CPQ: variants seen among roughly 807,000 people sequenced by gnomAD.
CPQ encodes the protein Ser-Met dipeptidase.
CPQ carries 37 observed loss-of-function variants against 45.7 expected under a neutral mutation model. The ratio of observed to expected loss-of-function variants is 0.81; its 90% CI spans 0.62 to 1.07. CPQ has a LOEUF of 1.07. CPQ is among the 50% of genes least tolerant of loss of function. The probability of loss-of-function intolerance (pLI) is 0.00; values close to 1 mark genes in which losing one functional copy is unlikely to be tolerated. For missense variants in CPQ, 537 were observed against 572.9 expected (o/e 0.94, Z 0.64); for synonymous variants, 186 against 205.8 (o/e 0.90, Z 0.82).
chr8:96,664,650 G>C (rs961927347), intron 1 of CPQ, among the ~76,000 whole-genome samples: 10 of 152,208 alleles, frequency 6.6e-5, no homozygotes, highest in Admixed American at 4.6e-4. Flanking sequence ...AATTACCTTT[G>C]AGGAATAAGA....
intron 6 of CPQ, among the ~76,000 whole-genome samples, chr8:97,063,198 T>A (rs1391959193): frequency 6.6e-6 from 1 of 152,192 alleles, no homozygotes; most frequent in African/African-American, 2.4e-5. Context: ...GGTATCTCAT[T>A]GTGGTTTTGA....
intron 1 of CPQ, among the ~76,000 whole-genome samples, chr8:96,729,751 G>A (rs1304119503): frequency 6.6e-6 from 1 of 152,004 alleles, no homozygotes; most frequent in Non-Finnish European, 1.5e-5. Context: ...ATGTCCTGTA[G>A]TACTGCAAAT....
chr8:96,849,792 T>G (rs1199204578), intron 3 of CPQ, among the ~76,000 whole-genome samples: 1 of 152,164 alleles, frequency 6.6e-6, no homozygotes, highest in African/African-American at 2.4e-5. Flanking sequence ...GGCTTGGCAC[T>G]TGGAATTCTT....
rs190003162 is a variant in CPQ at position 96,693,727 on chromosome 8, A to G, written c.-35+48325A>G. Among the ~76,000 whole-genome samples, 399 of 152,328 alleles carry G rather than the reference A, an allele frequency of 2.6e-3. 3 individuals are homozygous for G. Among genetic ancestry groups the G allele is most frequent in the African/African-American group, 8.8e-3 (368 of 41,584 alleles). Reference sequence around the variant, plus strand: ...AAGAAATGTTAAAGGGAATTCTTCAATCAGAAAGAAAAGGATGTTAATGAG... The same window carrying G: ...AAGAAATGTTAAAGGGAATTCTTCAGTCAGAAAGAAAAGGATGTTAATGAG... On this transcript the variant is annotated intron_variant, in intron 1 of 7. Coordinates refer to ENST00000220763, the MANE Select transcript of CPQ (RefSeq NM_016134.4).
At chr8:96,774,349 C>T (rs1434149321) in intron 1 of CPQ, among the ~76,000 whole-genome samples, 1 of 151,828 alleles carries the variant, frequency 6.6e-6, no homozygotes, top group East Asian at 1.9e-4. Flanking sequence ...AACCATAATA[C>T]TGAACAGTAA....
chr8:97,142,650 G>T (rs1332993041), intron 7 of CPQ, among the ~76,000 whole-genome samples: 2 of 152,230 alleles, frequency 1.3e-5, no homozygotes, highest in African/African-American at 4.8e-5. Flanking sequence ...TGCAGAGCTT[G>T]TTGAGAGAGT....
At chr8:96,839,751 GTT>G (rs1024241814) in intron 3 of CPQ, among the ~76,000 whole-genome samples, 4 of 152,090 alleles carry the variant, frequency 2.6e-5, no homozygotes, top group African/African-American at 9.7e-5. Flanking sequence ...AGTGATTAGT[GTT>G]ATTTATTTTA....
intron 5 of CPQ, among the ~76,000 whole-genome samples, chr8:96,976,247 CAAAAAAAAAAAAAA>C (rs55864086): frequency 1.2e-4 from 7 of 60,830 alleles, no homozygotes; most frequent in Non-Finnish European, 1.5e-4. Flanking sequence ...CAATAGCTGA[CAAAAAAAAAAAAAA>C]AAAAAAAAAA....
chr8:96,727,208 C>T (rs555988100), intron 1 of CPQ, among the ~76,000 whole-genome samples: 1 of 152,250 alleles, frequency 6.6e-6, no homozygotes, highest in African/African-American at 2.4e-5. Flanking sequence ...AAATCATTTT[C>T]TAGCCCTTTA....
At chr8:96,652,781 C>T (rs1324228046) in intron 1 of CPQ, among the ~76,000 whole-genome samples, 5 of 152,116 alleles carry the variant, frequency 3.3e-5, no homozygotes, top group Non-Finnish European at 7.4e-5. Context: ...TACCGGCGCC[C>T]GCCACCATGC....
At chr8:97,058,980 T>C (rs1378345609) in intron 6 of CPQ, among the ~76,000 whole-genome samples, 1 of 152,160 alleles carries the variant, frequency 6.6e-6, no homozygotes, top group Non-Finnish European at 1.5e-5. Context: ...AAAATTACTC[T>C]TTTTAGCTAA....
chr8:97,014,089 G>A (rs967455933), intron 5 of CPQ, among the ~76,000 whole-genome samples: 5 of 152,172 alleles, frequency 3.3e-5, no homozygotes, highest in Non-Finnish European at 5.9e-5. Flanking sequence ...CATGTTCAAA[G>A]CAGTATTCTA....
chr8:96,950,645 A>G (rs1474707021), intron 4 of CPQ, among the ~76,000 whole-genome samples: 3 of 152,122 alleles, frequency 2.0e-5, no homozygotes, highest in Non-Finnish European at 4.4e-5. Flanking sequence ...CAGAACTACT[A>G]TCAGAGCCAC....
chr8:96,722,406 A>C (rs1809776422), intron 1 of CPQ, among the ~76,000 whole-genome samples: 1 of 151,958 alleles, frequency 6.6e-6, no homozygotes, highest in Admixed American at 6.6e-5. Flanking sequence ...TTTTATTGAA[A>C]TATAACCATA....
chr8:97,076,711 G>A (rs1027780042), intron 7 of CPQ, among the ~76,000 whole-genome samples: 1 of 152,082 alleles, frequency 6.6e-6, no homozygotes, highest in African/African-American at 2.4e-5. Flanking sequence ...TTTAGCGGGG[G>A]AGAGGGAGTG....
intron 1 of CPQ, chr8:96,659,344 ACT>A (rs1815672586): frequency 1.3e-5 from 2 of 151,800 alleles, no homozygotes; most frequent in Non-Finnish European, 2.9e-5. Flanking sequence ...CTTGGCTGTG[ACT>A]CTCTGGATTT....
chr8:96,772,510 G>A (rs1810556810), intron 1 of CPQ, among the ~76,000 whole-genome samples: 1 of 152,056 alleles, frequency 6.6e-6, no homozygotes, highest in Non-Finnish European at 1.5e-5. Flanking sequence ...ATGATATATG[G>A]TGCCTTGATG....
At chr8:96,649,347 A>G (rs1815552752) in intron 1 of CPQ, among the ~76,000 whole-genome samples, 1 of 152,228 alleles carries the variant, frequency 6.6e-6, no homozygotes, top group South Asian at 2.1e-4. Flanking sequence ...GAAAATAGCT[A>G]CAGTAATAAT....
At chr8:97,102,177 G>GA (rs1162617484) in intron 7 of CPQ, among the ~76,000 whole-genome samples, 1 of 151,938 alleles carries the variant, frequency 6.6e-6, no homozygotes, top group Non-Finnish European at 1.5e-5. Flanking sequence ...CACTCAAACT[G>GA]AAAAAAAGGA....
Sources: gnomAD v4.1 joint callset for allele counts (sites outside exome capture counted in the v4.1 genomes callset) on GRCh38, gnomAD v4.1.1 for gene constraint, MANE v1.5 for transcripts, NCBI Gene and HGNC (gene_info 2026-07-23, HGNC 2026-07-21) for gene names.